Variants in DMAP1 observed in about 807,000 individuals in gnomAD.
The protein encoded by DMAP1 is DNA methyltransferase 1 associated protein 1, also known as DNA methyltransferase 1-associated protein 1.
A neutral mutation model predicts 52.7 loss-of-function variants in DMAP1; 26 were observed. The ratio of observed to expected loss-of-function variants is 0.49; its 90% CI spans 0.36 to 0.68. The LOEUF is 0.68. DMAP1 is among the 30% of genes least tolerant of loss of function. DMAP1 has a pLI of 0.00. For synonymous variants in DMAP1, 231 were observed against 246.0 expected, an observed-to-expected ratio of 0.94 and a Z score of 0.57; for missense variants, 439 against 625.2, an observed-to-expected ratio of 0.70 and a Z score of 3.18.
In DMAP1 at chr1:44,218,183, T is replaced by C. The variant is rs896372795; in HGVS notation, c.394-128T>C. ...TCAAGCAGACAAGTTCTTTCCTCAC[T>C]CCATGCTGCAGGGGCACAGGCCCAG... is the stretch of plus-strand genomic sequence containing the variant. On this transcript the variant is annotated intron_variant, in intron 3 of 9. Transcript: ENST00000372289. This position sits in a 1 kb window ranked among gnomAD's most constrained non-coding sequence, Gnocchi z 5.6. 5 of 1,269,098 alleles carry C rather than the reference T, an allele frequency of 3.9e-6. No individual in the cohort carries two copies. The highest frequency in any genetic ancestry group is 5.8e-6 in the Non-Finnish European group (5 of 868,552). 78.6% of individuals were successfully genotyped at this position (1,269,098 alleles called of 1,614,324 possible).
chr1:44,218,712 G>A lies in DMAP1; in HGVS notation c.677G>A (p.Arg226Gln), dbSNP rs762679185. ...TTTGATGCTGGGCACGAACGACGGCGGAAGGAACAGCTTGAGCGTCTCTAC... is the reference window on the plus strand; with the variant it reads ...TTTGATGCTGGGCACGAACGACGGCAGAAGGAACAGCTTGAGCGTCTCTAC... ...PVFDAGHERR[R>Q]KEQLERLYNR... The change falls in exon 5 of 10, where the codon CGG (arginine) becomes CAG (glutamine). Residue 226 changes from arginine (R) to glutamine (Q), a missense_variant. Physicochemically the swap from Arg to Gln is conservative, Grantham distance 43 (BLOSUM62 1). Transcript: ENST00000372289. The surrounding 1 kb of genome is among the most constrained non-coding windows in gnomAD (Gnocchi z 5.6). 12 of 1,613,284 alleles carry A rather than the reference G, an allele frequency of 7.4e-6. No individual in the cohort carries two copies. Among genetic ancestry groups the A allele is most frequent in the Admixed American group, 5.0e-5 (3 of 59,938 alleles).
At chr1:44,217,842 T>G in intron 3 of DMAP1, 1 of 253,718 alleles carries the variant, frequency 3.9e-6, no homozygotes, top group Admixed American at 4.6e-5. Context: ...CAGGCCCAGC[T>G]TCTGTAGAGA....
chr1:44,218,364 T>G lies in DMAP1; in HGVS notation c.447T>G (p.Asp149Glu), dbSNP rs765409416. The change falls in exon 4 of 10, where the codon GAT (aspartate) becomes GAG (glutamate). Residue 149 changes from aspartate to glutamate, a missense_variant. Asp to Glu is a conservative substitution (Grantham distance 45). Coordinates refer to ENST00000372289, the MANE Select transcript of DMAP1 (RefSeq NM_019100.5). The surrounding 1 kb of genome is among the most constrained non-coding windows in gnomAD (Gnocchi z 5.6). ...AGGAGTACCAGCTTTATCTCCACGA[T>G]GATGCTTGGACTAAGGCAGAAACTG... ...SEQEYQLYLH[D>E]DAWTKAETDH... 5.6e-6 allele frequency: 9 copies of G among 1,614,216 alleles called. No homozygotes were observed. Among genetic ancestry groups the G allele is most frequent in the Non-Finnish European group, 7.6e-6 (9 of 1,180,028 alleles).
At chr1:44,217,059 CTATTT>C (rs752400284) in intron 3 of DMAP1, 13 of 151,974 alleles carry the variant, frequency 8.6e-5, no homozygotes, top group Non-Finnish European at 1.6e-4. Flanking sequence ...GGACATTTTT[CTATTT>C]TATTTCTAAA....
At position 44,219,460 on chromosome 1, in the gene DMAP1, A is replaced by G. The variant is rs996136773; in HGVS notation, c.961A>G (p.Thr321Ala). The G allele has an allele frequency of 1.3e-6, 2 of 1,592,052 alleles. No individual in the cohort carries two copies. The highest frequency in any genetic ancestry group is 1.7e-6 in the Non-Finnish European group (2 of 1,171,240). The change falls in exon 7 of 10, where the codon ACG (threonine) becomes GCG (alanine). Residue 321 changes from threonine (T) to alanine (A), a missense_variant. Thr to Ala is a moderately conservative substitution (Grantham distance 58, BLOSUM62 0). Coordinates refer to ENST00000372289, the MANE Select transcript of DMAP1 (RefSeq NM_019100.5). Reference sequence around the variant, plus strand: ...TCCAGACTTCAAGTCTGCAGGTGTCACGCTGCGGAGCCAACGGGTACGTGA... The same window carrying G: ...TCCAGACTTCAAGTCTGCAGGTGTCGCGCTGCGGAGCCAACGGGTACGTGA... Reference protein sequence around the residue: ...KFPDFKSAGVTLRSQRMKLPS... With the variant: ...KFPDFKSAGVALRSQRMKLPS...
chr1:44,220,522 G>A (rs757400891), intron 9 of DMAP1, 37 bp from the exon 10 acceptor site: 1 of 1,614,208 alleles, frequency 6.2e-7, no homozygotes, highest in African/African-American at 1.3e-5. Context: ...CAGGCCTTGG[G>A]GGGTCACTGA....
At chr1:44,215,035 C>A in intron 3 of DMAP1, 137 bp downstream of exon 3, 3 of 963,942 alleles carry the variant, frequency 3.1e-6, no homozygotes, top group African/African-American at 1.6e-5. Context: ...ATCCTCGTGG[C>A]AAATGCATGC....
At chr1:44,214,958 C>T (rs777678603) in intron 3 of DMAP1, 60 bp downstream of exon 3, 85 of 1,595,642 alleles carry the variant, frequency 5.3e-5, no homozygotes, top group Non-Finnish European at 7.0e-5. Context: ...GCCATTTGTG[C>T]GAGCTCTCCA....
In DMAP1 at chr1:44,213,721, G is replaced by T. The variant is rs747991748; in HGVS notation, c.-33G>T. 1.3e-5 allele frequency: 20 copies of T among 1,552,536 alleles called. No homozygotes were observed. The African/African-American group carries it at 1.6e-4, about 13-fold the overall frequency. ...GGTCCTTCTTCAGGCACTGACCCTT[G>T]ACCTCCGGTGGCTCCCCCATCTCTC... On this transcript the variant is annotated 5_prime_UTR_variant, in exon 1 of 10. Coordinates refer to ENST00000372289, the MANE Select transcript of DMAP1 (RefSeq NM_019100.5). The surrounding 1 kb of genome is among the most constrained non-coding windows in gnomAD (Gnocchi z 4.5).
rs767896999 is a variant in DMAP1, at chr1:44,220,351, G to C, written c.1344+42G>C. 2.0e-6 allele frequency: 3 copies of C among 1,522,620 alleles called. No individual in the cohort carries two copies. The South Asian group carries it at 3.9e-5, about 20-fold the overall frequency. 94.3% of individuals were successfully genotyped at this position (1,522,620 alleles called of 1,614,324 possible). On this transcript the variant is annotated intron_variant, in intron 9 of 9. Coordinates refer to ENST00000372289, the MANE Select transcript of DMAP1 (RefSeq NM_019100.5). Reference sequence around the variant, plus strand: ...GCTGGGAGGCACGCCTGGGCCCTGCGAGTGAGCACATGCACATGGGTGTAG... The same window carrying C: ...GCTGGGAGGCACGCCTGGGCCCTGCCAGTGAGCACATGCACATGGGTGTAG...
Position 44,218,208 on chromosome 1 carries a change from G to A in DMAP1, c.394-103G>A, listed in dbSNP as rs747608953. ...TCCATGCTGCAGGGGCACAGGCCCAGGGTCTGGCAACAAACAGGAGCAGCT... is the reference window on the plus strand; with the variant it reads ...TCCATGCTGCAGGGGCACAGGCCCAAGGTCTGGCAACAAACAGGAGCAGCT... On this transcript the variant is annotated intron_variant, in intron 3 of 9. Coordinates refer to ENST00000372289, the MANE Select transcript of DMAP1 (RefSeq NM_019100.5). This position sits in a 1 kb window ranked among gnomAD's most constrained non-coding sequence, Gnocchi z 5.6. 1 of 1,502,626 alleles carries A rather than the reference G, an allele frequency of 6.7e-7. No homozygotes were observed. Among genetic ancestry groups the A allele is most frequent in the Admixed American group, 1.7e-5 (1 of 59,880 alleles). 93.1% of individuals were successfully genotyped at this position (1,502,626 alleles called of 1,614,324 possible).
chr1:44,220,117 C>T lies in DMAP1; in HGVS notation c.1152C>T (p.Cys384=). 1 of 1,612,636 alleles carries T rather than the reference C, an allele frequency of 6.2e-7. No homozygotes were observed. Among genetic ancestry groups the T allele is most frequent in the South Asian group, 1.1e-5 (1 of 90,890 alleles). Residue 384 remains cysteine, a synonymous_variant, in exon 9 of 10, where the codon TGC becomes TGT. Coordinates refer to ENST00000372289, the MANE Select transcript of DMAP1 (RefSeq NM_019100.5). ...AGCTCAAGCAGGCCTGTGCCAACTG[C>T]GAGTATGAGCTGCAGATGCTGCGGC... ...LYELKQACAN[C]EYELQMLRHR... is the part of the protein sequence containing the mutation.
chr1:44,214,244 T>C (rs2154314134), intron 1 of DMAP1, 106 bp from the exon 2 acceptor site: 2 of 1,056,230 alleles, frequency 1.9e-6, no homozygotes, highest in Middle Eastern at 3.1e-4. Flanking sequence ...TCAGTTTGCC[T>C]GTCATTGACC....
In DMAP1 at chr1:44,218,343, G is replaced by A. The variant is rs748765935; in HGVS notation, c.426G>A (p.Glu142=). ...TVQVPVYSEQ[E]YQLYLHDDAW... ...AGGTGCCTGTGTACTCGGAGCAGGA[G>A]TACCAGCTTTATCTCCACGATGATG... Residue 142 remains glutamate, a synonymous_variant, in exon 4 of 10, where the codon GAG becomes GAA. Transcript: ENST00000372289. This position sits in a 1 kb window ranked among gnomAD's most constrained non-coding sequence, Gnocchi z 5.6. 3.7e-5 allele frequency: 59 copies of A among 1,614,098 alleles called. No individual in the cohort carries two copies. In the South Asian group the frequency reaches 5.8e-4, roughly 16 times the overall value.
In DMAP1 at chr1:44,218,475, C is replaced by T; in HGVS notation, c.552+6C>T. ...ATGACCACCAGCAGTTCAAGGTGAGCCATTGTGTATTTGCATGGGTGCCCA... is the reference window on the plus strand; with the variant it reads ...ATGACCACCAGCAGTTCAAGGTGAGTCATTGTGTATTTGCATGGGTGCCCA... On this transcript the variant is annotated splice_donor_region_variant and intron_variant, in intron 4 of 9. Transcript: ENST00000372289. The surrounding 1 kb of genome is among the most constrained non-coding windows in gnomAD (Gnocchi z 5.6). 6.2e-7 allele frequency: 1 copy of T among 1,613,868 alleles called. No homozygotes were observed. The highest frequency in any genetic ancestry group is 8.5e-7 in the Non-Finnish European group (1 of 1,179,748).
chr1:44,219,544 A>G, intron 7 of DMAP1, 67 bp downstream of exon 7: 3 of 1,456,820 alleles, frequency 2.1e-6, no homozygotes, highest in Non-Finnish European at 2.8e-6. Flanking sequence ...TGTGTCCCAA[A>G]CGCTGCAGGC....
Position 44,220,096 on chromosome 1 carries a change from C to T in DMAP1, c.1131C>T (p.Leu377=), listed in dbSNP as rs117340264. 1.7e-4 allele frequency: 274 copies of T among 1,611,592 alleles called. No homozygotes were observed. The East Asian group carries it at 5.8e-3, about 34-fold the overall frequency. ...GCGACCTGGTGCTGCTCTACGAGCT[C>T]AAGCAGGCCTGTGCCAACTGCGAGT... The part of the protein sequence containing the change: ...LRSDLVLLYE[L]KQACANCEYE... The change falls in exon 9 of 10, where the codon CTC becomes CTT. Residue 377 remains leucine (L), a synonymous_variant. Coordinates refer to ENST00000372289, the MANE Select transcript of DMAP1 (RefSeq NM_019100.5).
At position 44,218,647 on chromosome 1, in the gene DMAP1, C is replaced by A; in HGVS notation, c.612C>A (p.Asn204Lys). The A allele has an allele frequency of 6.2e-7, 1 of 1,614,012 alleles. No individual in the cohort carries two copies. Among genetic ancestry groups the A allele is most frequent in the Non-Finnish European group, 8.5e-7 (1 of 1,179,900 alleles). The change falls in exon 5 of 10, where the codon AAC (asparagine) becomes AAA (lysine). Residue 204 changes from asparagine (N) to lysine (K), a missense_variant. Asn to Lys is a moderately conservative substitution (Grantham distance 94, BLOSUM62 0). This residue lies in a region of DMAP1 where 142 missense variants were observed against 149.5 expected (regional missense o/e 0.95). Coordinates refer to ENST00000372289, the MANE Select transcript of DMAP1 (RefSeq NM_019100.5). This position sits in a 1 kb window ranked among gnomAD's most constrained non-coding sequence, Gnocchi z 5.6. ...RYYHICAKLA[N>K]VRAVPGTDLK... is the part of the protein sequence containing the mutation. Reference sequence around the variant, plus strand: ...ACCACATCTGTGCTAAGCTTGCCAACGTGCGGGCTGTGCCAGGCACAGACC... The same window carrying A: ...ACCACATCTGTGCTAAGCTTGCCAAAGTGCGGGCTGTGCCAGGCACAGACC...
chr1:44,216,030 C>G (rs1180388482), intron 3 of DMAP1: 1 of 152,204 alleles, frequency 6.6e-6, no homozygotes, highest in Non-Finnish European at 1.5e-5. Context: ...TATCAAACTT[C>G]CCACACGGTA....
Sources: allele counts gnomAD v4.1 joint callset, GRCh38; gene constraint gnomAD v4.1.1; regional missense constraint gnomAD v4.1.1; non-coding constraint Gnocchi (gnomAD v3.1); transcripts MANE v1.5; gene names NCBI Gene and HGNC (gene_info 2026-07-23, HGNC 2026-07-21).